Variants in IKZF2 observed in about 807,000 individuals in gnomAD.
IKZF2 encodes IKAROS family zinc finger 2, also known as zinc finger protein Helios.
IKZF2 carries 15 observed loss-of-function variants against 49.2 expected under a neutral mutation model. That is an observed-to-expected ratio of 0.30 (90% CI 0.20 to 0.47). IKZF2 has a LOEUF of 0.47. Among genes scored for constraint, IKZF2 ranks in the 20% least tolerant of loss-of-function variants. The pLI is 1.00. For missense variants in IKZF2, 567 were observed against 664.6 expected, an observed-to-expected ratio of 0.85 and a Z score of 1.61; for synonymous variants, 227 against 221.4, an observed-to-expected ratio of 1.03 and a Z score of -0.23.
chr2:213,127,884 A>G (rs1024850233), intron 4 of IKZF2, among the ~76,000 whole-genome samples: 57 of 152,310 alleles, frequency 3.7e-4, no homozygotes, highest in African/African-American at 1.3e-3. Flanking sequence ...ATTAGATTTG[A>G]TTGTTTTTAT....
At chr2:213,066,893 A>T (rs1702215729) in intron 4 of IKZF2, among the ~76,000 whole-genome samples, 1 of 152,148 alleles carries the variant, frequency 6.6e-6, no homozygotes, top group African/African-American at 2.4e-5. Context: ...GCTTACTTAT[A>T]TAAATGTTGG....
At position 213,057,063 on chromosome 2, in the gene IKZF2, T is replaced by C; in HGVS notation, c.176A>G (p.Glu59Gly). Reference sequence around the variant, plus strand: ...ACGGCTCAGGGGTTTCCTGTCACACTCTTCATCACTCTGCATTTCTAGCTT... The same window carrying C: ...ACGGCTCAGGGGTTTCCTGTCACACCCTTCATCACTCTGCATTTCTAGCTT... ...SVKLEMQSDE[E>G]CDRKPLSRED... is the part of the protein sequence containing the mutation. The change falls in exon 5 of 9, where the codon GAG (glutamate) becomes GGG (glycine). Residue 59 changes from glutamate (E) to glycine (G), a missense_variant. Coordinates refer to ENST00000434687, the MANE Select transcript of IKZF2 (RefSeq NM_001387220.1). 1 of 1,613,728 alleles carries C rather than the reference T, an allele frequency of 6.2e-7. No homozygotes were observed. Among genetic ancestry groups the C allele is most frequent in the African/African-American group, 1.3e-5 (1 of 75,016 alleles).
At chr2:213,131,341 T>C (rs1346222193) in intron 4 of IKZF2, among the ~76,000 whole-genome samples, 1 of 152,166 alleles carries the variant, frequency 6.6e-6, no homozygotes, top group African/African-American at 2.4e-5. Context: ...AAAACAACAT[T>C]AGAATTACAT....
At position 213,114,927 on chromosome 2, in the gene IKZF2, C is replaced by CAA. The variant is rs5838366; in HGVS notation, c.139+32779_139+32780dup. 1.6e-3 allele frequency among the ~76,000 whole-genome samples: 228 copies of CAA among 138,956 alleles called. 1 individual carries two copies. Among genetic ancestry groups the CAA allele is most frequent in the African/African-American group, 3.4e-3 (126 of 37,204 alleles). The allele number at this position is 138,956 out of a possible 152,430, so 91.2% of individuals were successfully genotyped here. On this transcript the variant is annotated intron_variant, in intron 4 of 8. Coordinates refer to ENST00000434687, the MANE Select transcript of IKZF2 (RefSeq NM_001387220.1). ...CTGGTGACAGAGTGAGACTCCATCT[C>CAA]AAAAAAAAAAAAAATCAAAGAAACA...
In IKZF2 at chr2:213,151,529, G is replaced by C. The variant is rs2061280209; in HGVS notation, c.-236C>G. 1 of 152,636 alleles carries C rather than the reference G, an allele frequency of 6.6e-6. No homozygotes were observed. The highest frequency in any genetic ancestry group is 2.1e-4 in the South Asian group (1 of 4,828). 9.5% of individuals were successfully genotyped at this position (152,636 alleles called of 1,614,324 possible). A position where few individuals can be genotyped will look rare whatever the true frequency, so the allele number is the denominator to read the frequency against. Reference sequence around the variant, plus strand: ...AACGTGTGTTTGTGCACTGCAGTTGGTGGTGGAAACTAAGGCAGTGGATCT... The same window carrying C: ...AACGTGTGTTTGTGCACTGCAGTTGCTGGTGGAAACTAAGGCAGTGGATCT... On this transcript the variant is annotated 5_prime_UTR_variant, in exon 1 of 9. Transcript: ENST00000434687.
intron 5 of IKZF2, among the ~76,000 whole-genome samples, chr2:213,050,139 A>G (rs938137918): frequency 1.3e-5 from 2 of 152,188 alleles, no homozygotes; most frequent in Non-Finnish European, 1.5e-5. Flanking sequence ...TAACAATAAT[A>G]GCATTTATCA....
At chr2:213,080,305 A>G (rs1559247151) in intron 4 of IKZF2, among the ~76,000 whole-genome samples, 1 of 152,296 alleles carries the variant, frequency 6.6e-6, no homozygotes, top group East Asian at 1.9e-4. Flanking sequence ...GTGAACTTCT[A>G]AAGTTGGAAA....
intron 4 of IKZF2, among the ~76,000 whole-genome samples, chr2:213,083,206 A>G (rs1704144189): frequency 6.6e-6 from 1 of 152,114 alleles, no homozygotes; most frequent in African/African-American, 2.4e-5. Flanking sequence ...TATAAGTTCT[A>G]GTGCCAGGCA....
At chr2:213,119,406 G>A (rs1266024651) in intron 4 of IKZF2, among the ~76,000 whole-genome samples, 1 of 151,898 alleles carries the variant, frequency 6.6e-6, no homozygotes, top group Non-Finnish European at 1.5e-5. Flanking sequence ...GCAAATGACT[G>A]AGATGAAACA....
intron 4 of IKZF2, among the ~76,000 whole-genome samples, chr2:213,129,842 T>C (rs2060414802): frequency 6.6e-6 from 1 of 152,196 alleles, no homozygotes; most frequent in Non-Finnish European, 1.5e-5. Context: ...AAATTCAGGA[T>C]GTATTTTAGA....
intron 4 of IKZF2, among the ~76,000 whole-genome samples, chr2:213,058,589 A>G (rs1701387981): frequency 6.6e-6 from 1 of 151,930 alleles, no homozygotes; most frequent in South Asian, 2.1e-4. Context: ...CATTTCTAAC[A>G]GAGTACCAAC....
intron 7 of IKZF2, chr2:213,014,719 T>C (rs1456444722): frequency 2.0e-5 from 3 of 151,990 alleles, no homozygotes; most frequent in Non-Finnish European, 2.9e-5. Flanking sequence ...CTGACATTCA[T>C]AGTGCAGACA....
intron 4 of IKZF2, among the ~76,000 whole-genome samples, chr2:213,108,811 A>T (rs1431303385): frequency 6.6e-6 from 1 of 152,090 alleles, no homozygotes; most frequent in Non-Finnish European, 1.5e-5. Flanking sequence ...TGTAAAAAAA[A>T]ATGTAAAATC....
At chr2:213,115,764 A>G (rs1393898245) in intron 4 of IKZF2, among the ~76,000 whole-genome samples, 1 of 152,264 alleles carries the variant, frequency 6.6e-6, no homozygotes, top group East Asian at 1.9e-4. Context: ...TCAAAACCAA[A>G]AGACAATGGA....
At chr2:213,050,819 C>G (rs1409634286) in intron 5 of IKZF2, among the ~76,000 whole-genome samples, 1 of 151,836 alleles carries the variant, frequency 6.6e-6, no homozygotes, top group African/African-American at 2.4e-5. Flanking sequence ...AAATTGATAG[C>G]CTTATCAAAC....
intron 4 of IKZF2, among the ~76,000 whole-genome samples, chr2:213,106,999 T>C (rs2059554856): frequency 6.6e-6 from 1 of 152,174 alleles, no homozygotes; most frequent in South Asian, 2.1e-4. Context: ...ATGCTGCTGA[T>C]TAATTATAAT....
At chr2:213,085,553 C>G (rs186728694) in intron 4 of IKZF2, among the ~76,000 whole-genome samples, 68 of 152,220 alleles carry the variant, frequency 4.5e-4, no homozygotes, top group Admixed American at 3.4e-3. Flanking sequence ...TATTCATCAA[C>G]TCATGAGAGT....
chr2:213,035,430 T>A (rs1408542031), intron 6 of IKZF2, among the ~76,000 whole-genome samples: 1 of 152,174 alleles, frequency 6.6e-6, no homozygotes, highest in Non-Finnish European at 1.5e-5. Context: ...GTGTATAAAC[T>A]AAACACCAAC....
At chr2:213,034,298 G>A (rs1698778556) in intron 6 of IKZF2, among the ~76,000 whole-genome samples, 1 of 152,174 alleles carries the variant, frequency 6.6e-6, no homozygotes. Flanking sequence ...CACTGGAGTA[G>A]CATTTTAAAT....
Sources: gnomAD v4.1 joint callset for allele counts (sites outside exome capture counted in the v4.1 genomes callset) on GRCh38, gnomAD v4.1.1 for gene constraint, MANE v1.5 for transcripts, NCBI Gene and HGNC (gene_info 2026-07-23, HGNC 2026-07-21) for gene names.